The following NRG1 variants were observed in gnomAD, a reference collection of about 807,000 sequenced individuals.
NRG1 encodes the protein pro-neuregulin-1, membrane-bound isoform.
A neutral mutation model predicts 63.8 loss-of-function variants in NRG1; 18 were observed. The ratio of observed to expected loss-of-function variants is 0.28; its 90% CI spans 0.19 to 0.42. The LOEUF (loss-of-function observed/expected upper bound fraction) is 0.42, where lower values mean the gene tolerates loss of function less well. Ranked by LOEUF, NRG1 falls within the 10% of genes least tolerant of loss-of-function variation. The pLI is 1.00. For missense variants in NRG1, 762 were observed against 814.7 expected (o/e 0.94, Z 0.79); for synonymous variants, 302 against 301.3 (o/e 1.00, Z -0.02).
chr8:32,372,701 A>T (rs1809070776), intron 1 of NRG1, among the ~76,000 whole-genome samples: 1 of 152,188 alleles, frequency 6.6e-6, no homozygotes, highest in Non-Finnish European at 1.5e-5. Context: ...ATCTGGGGAG[A>T]AGTCAGCCCT....
chr8:32,331,688 G>A (rs1422575564), intron 1 of NRG1, among the ~76,000 whole-genome samples: 1 of 152,116 alleles, frequency 6.6e-6, no homozygotes. Flanking sequence ...TTAACCAAAG[G>A]AAGTGTGAGT....
chr8:32,390,603 A>T (rs1401125098), intron 1 of NRG1, among the ~76,000 whole-genome samples: 7 of 12,540 alleles, frequency 5.6e-4, no homozygotes, highest in African/African-American at 1.8e-3. Flanking sequence ...ACCCTGTCTT[A>T]AAAAAAAAAA....
intron 1 of NRG1, among the ~76,000 whole-genome samples, chr8:31,813,035 C>T (rs924645450): frequency 5.3e-5 from 8 of 152,218 alleles, no homozygotes; most frequent in South Asian, 2.1e-4. Context: ...TTCTTTTCCA[C>T]GTTCTCATCA....
intron 1 of NRG1, among the ~76,000 whole-genome samples, chr8:31,879,030 G>A (rs981901775): frequency 6.6e-6 from 1 of 151,976 alleles, no homozygotes; most frequent in African/African-American, 2.4e-5. Flanking sequence ...ACAAAAAAAG[G>A]AAGTGGCATC....
chr8:31,976,506 T>G (rs1310204334), intron 1 of NRG1, among the ~76,000 whole-genome samples: 2 of 152,160 alleles, frequency 1.3e-5, no homozygotes, highest in Non-Finnish European at 2.9e-5. Context: ...AATTAGTTTA[T>G]TATAATATGA....
chr8:32,212,371 G>C (rs1844786392), intron 1 of NRG1, among the ~76,000 whole-genome samples: 1 of 152,074 alleles, frequency 6.6e-6, no homozygotes, highest in Non-Finnish European at 1.5e-5. Flanking sequence ...TCTGTTTCTG[G>C]TTTGTTCATG....
chr8:32,254,436 A>G (rs781025706), intron 1 of NRG1, among the ~76,000 whole-genome samples: 3 of 152,068 alleles, frequency 2.0e-5, no homozygotes, highest in Non-Finnish European at 4.4e-5. Flanking sequence ...TTCATTATTT[A>G]CCCAGTAGTC....
intron 1 of NRG1, 25 bp downstream of exon 1, chr8:32,548,851 C>A: frequency 1.3e-6 from 2 of 1,540,898 alleles, no homozygotes; most frequent in Non-Finnish European, 1.7e-6. Flanking sequence ...CGGCCCGGGC[C>A]CCACGATCCT....
intron 1 of NRG1, among the ~76,000 whole-genome samples, chr8:32,000,491 T>A (rs978527132): frequency 6.6e-6 from 1 of 151,850 alleles, no homozygotes; most frequent in African/African-American, 2.4e-5. Context: ...GATCCCAAAC[T>A]CCTGGCCTCA....
chr8:32,441,074 T>C (rs1819468871), intron 1 of NRG1, among the ~76,000 whole-genome samples: 2 of 152,174 alleles, frequency 1.3e-5, no homozygotes, highest in South Asian at 4.1e-4. Context: ...ATTCTTTTGT[T>C]AGTTAATAGC....
chr8:31,681,914 T>C (rs979685769), intron 1 of NRG1, among the ~76,000 whole-genome samples: 5 of 152,062 alleles, frequency 3.3e-5, no homozygotes, highest in African/African-American at 1.2e-4. Flanking sequence ...CAAAACACAA[T>C]TGTGTATTTG....
intron 1 of NRG1, among the ~76,000 whole-genome samples, chr8:31,674,046 T>C (rs1807431020): frequency 6.6e-6 from 1 of 152,214 alleles, no homozygotes; most frequent in Non-Finnish European, 1.5e-5. Flanking sequence ...TCATACAGTA[T>C]ATGCCCTTCT....
chr8:32,647,464 C>A, intron 5 of NRG1: 1 of 985,368 alleles, frequency 1.0e-6, no homozygotes, highest in Non-Finnish European at 1.2e-6. Context: ...TTTGGAGTAG[C>A]ATTTAAAAGA....
intron 1 of NRG1, among the ~76,000 whole-genome samples, chr8:32,171,831 G>A (rs1363336088): frequency 6.6e-6 from 1 of 152,164 alleles, no homozygotes; most frequent in Non-Finnish European, 1.5e-5. Context: ...GCCTGAGTAG[G>A]TAAACAAAGC....
intron 1 of NRG1, among the ~76,000 whole-genome samples, chr8:31,893,157 A>G (rs898121086): frequency 6.7e-6 from 1 of 150,196 alleles, no homozygotes; most frequent in African/African-American, 2.4e-5. Context: ...TTGATAAATA[A>G]TAGTATAATA....
intron 5 of NRG1, among the ~76,000 whole-genome samples, chr8:32,709,652 C>T (rs1817317375): frequency 1.3e-5 from 2 of 152,110 alleles, no homozygotes; most frequent in South Asian, 4.2e-4. Context: ...AACTCCTAGG[C>T]TCAAGCAATC....
At chr8:31,833,479 C>A (rs571669336) in intron 1 of NRG1, among the ~76,000 whole-genome samples, 1 of 152,186 alleles carries the variant, frequency 6.6e-6, no homozygotes, top group Non-Finnish European at 1.5e-5. Flanking sequence ...TTTCAAAATA[C>A]GTGCAGATAA....
chr8:32,617,665 CTTAT>C (rs1370181726), intron 5 of NRG1, among the ~76,000 whole-genome samples: 1 of 152,134 alleles, frequency 6.6e-6, no homozygotes, highest in Non-Finnish European at 1.5e-5. Flanking sequence ...ATGTTAGCTC[CTTAT>C]TTAAAGCATT....
At chr8:31,958,052 T>TAGATAGATAGAG (rs1554585879) in intron 1 of NRG1, among the ~76,000 whole-genome samples, 3 of 150,774 alleles carry the variant, frequency 2.0e-5, no homozygotes, top group Non-Finnish European at 2.9e-5. Context: ...ACCAGATAGA[T>TAGATAGATAGAG]AGATAGATAG....
Sources: allele counts gnomAD v4.1 joint callset (sites outside exome capture counted in the v4.1 genomes callset), GRCh38; gene constraint gnomAD v4.1.1; transcripts MANE v1.5; gene names NCBI Gene and HGNC (gene_info 2026-07-23, HGNC 2026-07-21).